Variants in RSBN1L observed in about 807,000 individuals in gnomAD.
RSBN1L encodes the protein lysine-specific demethylase RSBN1L.
A neutral mutation model predicts 67.7 loss-of-function variants in RSBN1L; 30 were observed. That is an observed-to-expected ratio of 0.44 (90% CI 0.33 to 0.60). The LOEUF (loss-of-function observed/expected upper bound fraction) is 0.60, where lower values mean the gene tolerates loss of function less well. RSBN1L is among the 20% of genes least tolerant of loss of function. The pLI, the probability that RSBN1L is intolerant of heterozygous loss-of-function variation, is 0.02. For missense variants in RSBN1L, 992 were observed against 1,031.7 expected (o/e 0.96, Z 0.53); for synonymous variants, 433 against 387.0 (o/e 1.12, Z -1.39).
chr7:77,767,919 C>T (rs1236680998), intron 4 of RSBN1L, among the ~76,000 whole-genome samples: 3 of 139,358 alleles, frequency 2.2e-5, no homozygotes, highest in Non-Finnish European at 4.6e-5. Context: ...GGCGTGATTT[C>T]GGCTCACTGC....
At chr7:77,710,890 CCTT>C in intron 1 of RSBN1L, among the ~76,000 whole-genome samples, 1 of 152,140 alleles carries the variant, frequency 6.6e-6, no homozygotes, top group Non-Finnish European at 1.5e-5. Flanking sequence ...CCGTGCCCAG[CCTT>C]CTTTCCTTCA....
intron 1 of RSBN1L, among the ~76,000 whole-genome samples, chr7:77,736,047 A>T (rs1226751175): frequency 6.6e-6 from 1 of 152,148 alleles, no homozygotes; most frequent in Non-Finnish European, 1.5e-5. Context: ...TTTTTCTGTT[A>T]TGCTGCTAAT....
intron 1 of RSBN1L, among the ~76,000 whole-genome samples, chr7:77,714,869 A>T (rs563063905): frequency 6.6e-6 from 1 of 151,490 alleles, no homozygotes; most frequent in East Asian, 1.9e-4. Flanking sequence ...AGGCTGAGGC[A>T]GGAGAATGGC....
Position 77,705,581 on chromosome 7 carries a change from G to A in RSBN1L, c.586+8526G>A, listed in dbSNP as rs1347758304. 1.3e-4 allele frequency among the ~76,000 whole-genome samples: 17 copies of A among 132,176 alleles called. No homozygotes were observed. In the East Asian group the frequency reaches 2.4e-3, roughly 18 times the overall value. The allele number at this position is 132,176 out of a possible 152,430, so 86.7% of individuals were successfully genotyped here. A position where few individuals can be genotyped will look rare whatever the true frequency, so the allele number is the denominator to read the frequency against. On this transcript the variant is annotated intron_variant, in intron 1 of 7. Transcript: ENST00000334955. ...GGCTGGAGTGCAGTGGCTCAATCTC[G>A]GCTCACTGCAGCCTCTGCCTCCCGG... is the stretch of plus-strand genomic sequence containing the variant.
intron 2 of RSBN1L, among the ~76,000 whole-genome samples, chr7:77,748,790 A>T (rs1562804193): frequency 6.6e-6 from 1 of 152,014 alleles, no homozygotes; most frequent in South Asian, 2.1e-4. Context: ...TGGCCTGAAG[A>T]TTGTTTTCTA....
At chr7:77,725,490 A>C (rs956276836) in intron 1 of RSBN1L, among the ~76,000 whole-genome samples, 1 of 150,184 alleles carries the variant, frequency 6.7e-6, no homozygotes, top group Non-Finnish European at 1.5e-5. Flanking sequence ...CAGGTGATCC[A>C]CCTGCCTCGG....
chr7:77,737,418 A>G lies in RSBN1L; in HGVS notation c.703+892A>G, dbSNP rs545200233. On this transcript the variant is annotated intron_variant, in intron 2 of 7. Transcript: ENST00000334955. ...CTGCATATGTAGCAAAATAACTGGT[A>G]GTTTATATTATCTAAGATAAAGAGT... 4.6e-5 allele frequency among the ~76,000 whole-genome samples: 7 copies of G among 152,320 alleles called. No homozygotes were observed. In the South Asian group the frequency reaches 1.4e-3, roughly 32 times the overall value.
chr7:77,726,998 G>T (rs984526770), intron 1 of RSBN1L, among the ~76,000 whole-genome samples: 1 of 151,208 alleles, frequency 6.6e-6, no homozygotes, highest in Non-Finnish European at 1.5e-5. Context: ...GGCCAGGATG[G>T]TCTCAATCTC....
intron 1 of RSBN1L, among the ~76,000 whole-genome samples, chr7:77,725,669 C>T (rs1227574014): frequency 6.6e-6 from 1 of 150,970 alleles, no homozygotes. Context: ...GGAGTTTCGC[C>T]CTTGTTGCTC....
chr7:77,745,019 TG>T (rs1445212178), intron 2 of RSBN1L, among the ~76,000 whole-genome samples: 1 of 152,090 alleles, frequency 6.6e-6, no homozygotes, highest in Non-Finnish European at 1.5e-5. Flanking sequence ...GCCAGCACTT[TG>T]GGAGGCTGAG....
intron 3 of RSBN1L, among the ~76,000 whole-genome samples, chr7:77,760,532 A>G (rs1044020396): frequency 6.6e-6 from 1 of 152,212 alleles, no homozygotes; most frequent in African/African-American, 2.4e-5. Context: ...GTGTTCTGAC[A>G]CATCTATATA....
chr7:77,731,976 T>C (rs1791277849), intron 1 of RSBN1L, among the ~76,000 whole-genome samples: 2 of 152,194 alleles, frequency 1.3e-5, no homozygotes, highest in Admixed American at 1.3e-4. Flanking sequence ...GTTCCATTGA[T>C]CTGTTTGTGT....
intron 1 of RSBN1L, among the ~76,000 whole-genome samples, chr7:77,723,943 AATT>A: frequency 9.1e-6 from 1 of 110,392 alleles, no homozygotes; most frequent in Non-Finnish European, 1.8e-5. Flanking sequence ...TCAAAAAAAA[AATT>A]TTTTTTTTTT....
chr7:77,705,493 G>A (rs962907846), intron 1 of RSBN1L, among the ~76,000 whole-genome samples: 1 of 147,784 alleles, frequency 6.8e-6, no homozygotes, highest in Admixed American at 6.8e-5. Flanking sequence ...TGACCACTAG[G>A]TCTCTCCATT....
At chr7:77,699,604 T>C (rs1381628460) in intron 1 of RSBN1L, among the ~76,000 whole-genome samples, 1 of 152,172 alleles carries the variant, frequency 6.6e-6, no homozygotes, top group South Asian at 2.1e-4. Flanking sequence ...CATTGACAGA[T>C]ATGAAAGTTA....
chr7:77,771,175 C>T (rs952405032), intron 5 of RSBN1L, among the ~76,000 whole-genome samples: 13 of 152,200 alleles, frequency 8.5e-5, no homozygotes, highest in Non-Finnish European at 2.9e-5. Context: ...CTCTTGATCT[C>T]GTGATCCTCC....
At chr7:77,774,202 A>G (rs1051520831) in intron 6 of RSBN1L, among the ~76,000 whole-genome samples, 1 of 152,246 alleles carries the variant, frequency 6.6e-6, no homozygotes, top group East Asian at 1.9e-4. Context: ...ATTAAAAAAT[A>G]GATTATTCTT....
At chr7:77,715,506 A>G (rs1165445476) in intron 1 of RSBN1L, among the ~76,000 whole-genome samples, 1 of 152,018 alleles carries the variant, frequency 6.6e-6, no homozygotes, top group African/African-American at 2.4e-5. Context: ...TGGGGGGCTC[A>G]CCATGTTGGC....
intron 1 of RSBN1L, among the ~76,000 whole-genome samples, chr7:77,723,665 G>A (rs1012194718): frequency 2.0e-5 from 3 of 152,048 alleles, no homozygotes; most frequent in Non-Finnish European, 4.4e-5. Flanking sequence ...GCTGGGCGTG[G>A]TGGCTCACAC....
Sources: gnomAD v4.1 joint callset for allele counts (sites outside exome capture counted in the v4.1 genomes callset) on GRCh38, gnomAD v4.1.1 for gene constraint, MANE v1.5 for transcripts, NCBI Gene and HGNC (gene_info 2026-07-23, HGNC 2026-07-21) for gene names.